LMNA: variants seen among roughly 807,000 people sequenced by gnomAD.
LMNA encodes the protein lamin A/C.
A neutral mutation model predicts 70.4 loss-of-function variants in LMNA; 20 were observed. That is an observed-to-expected ratio of 0.28 (90% CI 0.20 to 0.41). The LOEUF (loss-of-function observed/expected upper bound fraction) is 0.41, where lower values mean the gene tolerates loss of function less well. Among genes scored for constraint, LMNA ranks in the 10% least tolerant of loss-of-function variants. The pLI is 1.00. For synonymous variants in LMNA, 339 were observed against 372.8 expected (o/e 0.91, Z 1.04); for missense variants, 652 against 917.2 (o/e 0.71, Z 3.73).
Position 156,139,693 on chromosome 1 carries a change from C to T in LMNA, c.*587C>T. 1 of 1,522,590 alleles carries T rather than the reference C, an allele frequency of 6.6e-7. No homozygotes were observed. Among genetic ancestry groups the T allele is most frequent in the Admixed American group, 2.0e-5 (1 of 50,154 alleles). The allele number at this position is 1,522,590 out of a possible 1,614,324, so 94.3% of individuals were successfully genotyped here. Reference sequence around the variant, plus strand: ...CCTCTGCCTGCCCCGCCCCCAGTCCCCACCCCTGCCCCCAGCCCCGGGGTG... The same window carrying T: ...CCTCTGCCTGCCCCGCCCCCAGTCCTCACCCCTGCCCCCAGCCCCGGGGTG... On this transcript the variant is annotated 3_prime_UTR_variant, in exon 12 of 12. Transcript: ENST00000368300.
In LMNA at chr1:156,134,657, G is replaced by C; in HGVS notation, c.639+129G>C. The C allele has an allele frequency of 2.6e-6, 4 of 1,538,714 alleles. No homozygotes were observed. In the South Asian group the frequency reaches 4.5e-5, roughly 17 times the overall value. On this transcript the variant is annotated intron_variant, in intron 3 of 11. Transcript: ENST00000368300. The surrounding 1 kb of genome is among the most constrained non-coding windows in gnomAD (Gnocchi z 5.3). ...CCTTGCCCTAGTGGACAGGGAGTTG[G>C]GGGTGGCCAGCACTCAGCTCCCAGG...
At chr1:156,123,946 G>T (rs999043725) in intron 1 of LMNA, among the ~76,000 whole-genome samples, 2 of 152,166 alleles carry the variant, frequency 1.3e-5, no homozygotes, top group Non-Finnish European at 2.9e-5. Context: ...CTCAGCACCA[G>T]TTCTCCCCAC....
In LMNA at chr1:156,138,824, G is replaced by A; in HGVS notation, c.1968+67G>A. ...CCCTGGTCATCGAGGGGTAGGACGA[G>A]GTGGCCTTGCAGGGGGGAGAGCCTG... On this transcript the variant is annotated intron_variant, in intron 11 of 11. Coordinates refer to ENST00000368300, the MANE Select transcript of LMNA (RefSeq NM_170707.4). The surrounding 1 kb of genome is among the most constrained non-coding windows in gnomAD (Gnocchi z 5.5). 6.2e-7 allele frequency: 1 copy of A among 1,603,006 alleles called. No homozygotes were observed. The highest frequency in any genetic ancestry group is 8.5e-7 in the Non-Finnish European group (1 of 1,172,742).
chr1:156,132,479 T>C (rs1336771750), intron 2 of LMNA, among the ~76,000 whole-genome samples: 1 of 151,542 alleles, frequency 6.6e-6, no homozygotes. Context: ...CAAAAAAACA[T>C]AAATAAATAA....
chr1:156,088,149 T>C (rs1016464015), intron 2 of LMNA, among the ~76,000 whole-genome samples: 1 of 151,906 alleles, frequency 6.6e-6, no homozygotes, highest in African/African-American at 2.4e-5. Context: ...GGATTACAGG[T>C]GTGAGCCACC....
At chr1:156,120,420 G>A (rs542243609) in intron 1 of LMNA, among the ~76,000 whole-genome samples, 14 of 152,326 alleles carry the variant, frequency 9.2e-5, no homozygotes, top group African/African-American at 3.4e-4. Flanking sequence ...ACTCTGCTCT[G>A]GGGCCAGTGA....
At chr1:156,096,263 A>G (rs1054402078) in intron 3 of LMNA, among the ~76,000 whole-genome samples, 4 of 152,068 alleles carry the variant, frequency 2.6e-5, no homozygotes, top group Non-Finnish European at 1.5e-5. Context: ...CTGACTGGCT[A>G]TTCAAGCAGG....
In LMNA at chr1:156,136,614, G is replaced by A. The variant is rs1651661988; in HGVS notation, c.1380+178G>A. ...TGGCTCCTGGACTCTTTGGCTGTGA[G>A]ACCTTGAGCAGGTTATTTAACCTCT... is the stretch of plus-strand genomic sequence containing the variant. On this transcript the variant is annotated intron_variant, in intron 7 of 11. Coordinates refer to ENST00000368300, the MANE Select transcript of LMNA (RefSeq NM_170707.4). This position sits in a 1 kb window ranked among gnomAD's most constrained non-coding sequence, Gnocchi z 6.1. The A allele has an allele frequency of 1.4e-6, 1 of 729,460 alleles. No individual in the cohort carries two copies. The highest frequency in any genetic ancestry group is 2.1e-5 in the Admixed American group (1 of 47,576). The allele number at this position is 729,460 out of a possible 1,614,324, so 45.2% of individuals were successfully genotyped here.
chr1:156,124,873 G>A (rs557942611), intron 1 of LMNA, among the ~76,000 whole-genome samples: 10 of 152,308 alleles, frequency 6.6e-5, no homozygotes, highest in Non-Finnish European at 1.5e-4. Context: ...CCCAGCAAGC[G>A]AGACAGAGGC....
chr1:156,100,942 T>A (rs759406940), intron 3 of LMNA, among the ~76,000 whole-genome samples: 10 of 152,156 alleles, frequency 6.6e-5, no homozygotes, highest in Non-Finnish European at 1.3e-4. Context: ...AGTGGCACTT[T>A]TAGCTGAGCC....
chr1:156,127,535 T>TTC (rs1280186860), intron 1 of LMNA, among the ~76,000 whole-genome samples: 2 of 141,060 alleles, frequency 1.4e-5, no homozygotes, highest in African/African-American at 5.6e-5. Context: ...TTTTTTTTTT[T>TTC]TGAGATGGAG....
At chr1:156,113,717 C>T (rs1056886154), upstream of LMNA, among the ~76,000 whole-genome samples, 3 of 152,202 alleles carry the variant, frequency 2.0e-5, no homozygotes, top group African/African-American at 7.2e-5. Context: ...CCCTTTCAGG[C>T]CCCTCTGGGA....
chr1:156,113,799 A>G (rs1274721125), upstream of LMNA, among the ~76,000 whole-genome samples: 9 of 152,188 alleles, frequency 5.9e-5, no homozygotes, highest in Non-Finnish European at 5.9e-5. Context: ...TCTGTTTTAA[A>G]TTATCCATTA....
At chr1:156,114,242 T>C (rs1402550564), upstream of LMNA, among the ~76,000 whole-genome samples, 1 of 152,056 alleles carries the variant, frequency 6.6e-6, no homozygotes, top group African/African-American at 2.4e-5. Context: ...GGTGACTCAC[T>C]ATTACTACTG....
chr1:156,126,580 C>A, intron 1 of LMNA: 1 of 829,056 alleles, frequency 1.2e-6, no homozygotes, highest in Non-Finnish European at 2.1e-6. Flanking sequence ...CCCGGGCCTG[C>A]TGCAGCTGGG....
In LMNA at chr1:156,134,534, G is replaced by T. The variant is rs1343602810; in HGVS notation, c.639+6G>T. 1 of 1,613,832 alleles carries T rather than the reference G, an allele frequency of 6.2e-7. No individual in the cohort carries two copies. The highest frequency in any genetic ancestry group is 1.1e-5 in the South Asian group (1 of 91,036). On this transcript the variant is annotated splice_donor_region_variant and intron_variant, in intron 3 of 11. Transcript: ENST00000368300. This position sits in a 1 kb window ranked among gnomAD's most constrained non-coding sequence, Gnocchi z 5.3. ...AGAAGAACATCTACAGTGAGGTGGG[G>T]ACTGTGCTTTGCAAGCCAGAGGGCT...
intron 3 of LMNA, among the ~76,000 whole-genome samples, chr1:156,100,765 C>T (rs991961501): frequency 1.1e-4 from 16 of 152,110 alleles, no homozygotes; most frequent in Admixed American, 1.0e-3. Context: ...GTATTGAGAA[C>T]CTTTTGTGCA....
rs751707982 is a variant in LMNA at position 156,135,893 on chromosome 1, C to G, written c.937-8C>G. The stretch of plus-strand genomic sequence containing the variant: ...GGGAGCTCACCAAACCCTCCCACCC[C>G]CCTTCAGCTGGCAGCCAAGGAGGCG... On this transcript the variant is annotated splice_polypyrimidine_tract_variant and splice_region_variant and intron_variant, in intron 5 of 11. Transcript: ENST00000368300. This position sits in a 1 kb window ranked among gnomAD's most constrained non-coding sequence, Gnocchi z 4.8. The G allele has an allele frequency of 9.9e-6, 16 of 1,612,856 alleles. No homozygotes were observed. In the East Asian group the frequency reaches 2.2e-4, roughly 22 times the overall value.
intron 1 of LMNA, chr1:156,126,576 C>T (rs1348442888): frequency 2.5e-6 from 2 of 811,098 alleles, no homozygotes; most frequent in Non-Finnish European, 4.3e-6. Context: ...AGGGCCCGGG[C>T]CTGCTGCAGC....
Sources: gnomAD v4.1 joint callset for allele counts (sites outside exome capture counted in the v4.1 genomes callset) on GRCh38, gnomAD v4.1.1 for gene constraint, Gnocchi (gnomAD v3.1) non-coding constraint, MANE v1.5 for transcripts, NCBI Gene and HGNC (gene_info 2026-07-23, HGNC 2026-07-21) for gene names.